NRXN1: variants seen among roughly 807,000 people sequenced by gnomAD.
NRXN1 encodes neurexin-1.
In NRXN1, 39 loss-of-function variants were observed where a neutral mutation model predicts 150.9. The observed-to-expected ratio is 0.26, with a 90% CI of 0.20 to 0.34. NRXN1 has a LOEUF of 0.34. Among genes scored for constraint, NRXN1 ranks in the 10% least tolerant of loss-of-function variants. NRXN1 has a pLI of 1.00. For missense variants in NRXN1, 1,815 were observed against 1,949.9 expected, an observed-to-expected ratio of 0.93 and a Z score of 1.30; for synonymous variants, 924 against 757.0, an observed-to-expected ratio of 1.22 and a Z score of -3.62.
At chr2:50,054,322 T>G (rs1275634737) in intron 20 of NRXN1, among the ~76,000 whole-genome samples, 2 of 152,116 alleles carry the variant, frequency 1.3e-5, no homozygotes, top group Non-Finnish European at 2.9e-5. Context: ...TTATGGCACA[T>G]TTCCATCAAA....
intron 18 of NRXN1, among the ~76,000 whole-genome samples, chr2:50,189,387 G>T (rs1233211253): frequency 6.6e-6 from 1 of 151,990 alleles, no homozygotes; most frequent in African/African-American, 2.4e-5. Context: ...GTAGGGGAGG[G>T]ATAGCATTAG....
intron 17 of NRXN1, among the ~76,000 whole-genome samples, chr2:50,302,221 T>A (rs1260678664): frequency 1.3e-5 from 2 of 152,172 alleles, no homozygotes; most frequent in Non-Finnish European, 2.9e-5. Context: ...TCCCCAAGTA[T>A]CAAGGAATGA....
chr2:50,041,229 C>A (rs1690894056), intron 21 of NRXN1, among the ~76,000 whole-genome samples: 1 of 152,194 alleles, frequency 6.6e-6, no homozygotes, highest in Non-Finnish European at 1.5e-5. Flanking sequence ...GTTATCCCAA[C>A]ATGTCCCTCT....
chr2:50,533,868 C>A (rs1192603054), intron 10 of NRXN1, among the ~76,000 whole-genome samples: 1 of 152,174 alleles, frequency 6.6e-6, no homozygotes, highest in Non-Finnish European at 1.5e-5. Context: ...TCAAATGTTA[C>A]TCCAGAGAGA....
chr2:50,860,628 G>C (rs569804191), intron 5 of NRXN1, among the ~76,000 whole-genome samples: 1 of 152,186 alleles, frequency 6.6e-6, no homozygotes, highest in Non-Finnish European at 1.5e-5. Flanking sequence ...GGCTGAGTCA[G>C]GCAGAGGTAG....
At chr2:50,662,638 T>C (rs965709611) in intron 5 of NRXN1, among the ~76,000 whole-genome samples, 5 of 152,096 alleles carry the variant, frequency 3.3e-5, no homozygotes, top group African/African-American at 1.2e-4. Flanking sequence ...GTATATTCTC[T>C]GTGTGGCCCA....
chr2:50,720,487 GCCATA>G (rs1375913481), intron 5 of NRXN1, among the ~76,000 whole-genome samples: 1 of 152,086 alleles, frequency 6.6e-6, no homozygotes, highest in African/African-American at 2.4e-5. Flanking sequence ...CTACTTTTAT[GCCATA>G]CTGTTGGTAT....
At chr2:50,465,867 T>C (rs971281335) in intron 16 of NRXN1, among the ~76,000 whole-genome samples, 1 of 151,926 alleles carries the variant, frequency 6.6e-6, no homozygotes, top group African/African-American at 2.4e-5. Context: ...AATAATTCTT[T>C]ATCACTATTT....
chr2:50,506,647 A>G (rs141651805), intron 12 of NRXN1, 30 bp from the exon 13 acceptor site: 66 of 1,609,802 alleles, frequency 4.1e-5, no homozygotes, highest in Non-Finnish European at 5.5e-5. Context: ...GTCATTATGG[A>G]CACTCAGAAT....
chr2:50,014,968 C>CAAA (rs1221529344), intron 21 of NRXN1, among the ~76,000 whole-genome samples: 1 of 152,126 alleles, frequency 6.6e-6, no homozygotes, highest in African/African-American at 2.4e-5. Flanking sequence ...TGCAATTTAT[C>CAAA]AAAAGGCTGA....
chr2:50,642,475 T>A (rs1273285173), intron 5 of NRXN1, among the ~76,000 whole-genome samples: 2 of 151,970 alleles, frequency 1.3e-5, no homozygotes, highest in Non-Finnish European at 2.9e-5. Context: ...ATTAATGAAA[T>A]TTGACTCGAT....
intron 21 of NRXN1, among the ~76,000 whole-genome samples, chr2:49,993,006 C>G (rs943350851): frequency 2.6e-5 from 4 of 152,196 alleles, no homozygotes; most frequent in African/African-American, 7.2e-5. Context: ...TTGGCAGTTT[C>G]TAACAAAGCT....
chr2:50,550,391 G>A (rs2105329681), intron 9 of NRXN1, among the ~76,000 whole-genome samples: 1 of 152,108 alleles, frequency 6.6e-6, no homozygotes, highest in South Asian at 2.1e-4. Flanking sequence ...GTTTTAAAGT[G>A]CTATAAAATC....
chr2:50,703,099 CTCATT>C (rs1483647366), intron 5 of NRXN1, among the ~76,000 whole-genome samples: 1 of 152,136 alleles, frequency 6.6e-6, no homozygotes, highest in Non-Finnish European at 1.5e-5. Flanking sequence ...GTTAGTATTG[CTCATT>C]TCATTTAATT....
intron 21 of NRXN1, among the ~76,000 whole-genome samples, chr2:49,956,556 C>G (rs1674984428): frequency 6.6e-6 from 1 of 152,098 alleles, no homozygotes; most frequent in South Asian, 2.1e-4. Flanking sequence ...CCCAGAGGAG[C>G]TACCTCAGGA....
chr2:51,011,326 G>A (rs564513921), intron 2 of NRXN1, among the ~76,000 whole-genome samples: 82 of 152,024 alleles, frequency 5.4e-4, no homozygotes, highest in South Asian at 1.2e-3. Context: ...TAGCTCTTAC[G>A]TATATAAAAG....
At chr2:50,796,676 T>C (rs906584864) in intron 5 of NRXN1, among the ~76,000 whole-genome samples, 1 of 152,178 alleles carries the variant, frequency 6.6e-6, no homozygotes, top group Non-Finnish European at 1.5e-5. Context: ...ATTTAAAAGT[T>C]GCTAATCAGA....
At chr2:50,044,254 G>A (rs1229337237) in intron 21 of NRXN1, among the ~76,000 whole-genome samples, 3 of 152,170 alleles carry the variant, frequency 2.0e-5, no homozygotes, top group Admixed American at 2.0e-4. Flanking sequence ...TCCATGTAAA[G>A]ATGAAGATAA....
chr2:50,375,767 T>G (rs1038686535), intron 17 of NRXN1, among the ~76,000 whole-genome samples: 1 of 151,726 alleles, frequency 6.6e-6, no homozygotes, highest in Non-Finnish European at 1.5e-5. Flanking sequence ...TTTATCATAA[T>G]AAAAAGTCAG....
Sources: allele counts gnomAD v4.1 joint callset (sites outside exome capture counted in the v4.1 genomes callset), GRCh38; gene constraint gnomAD v4.1.1; transcripts MANE v1.5; gene names NCBI Gene and HGNC (gene_info 2026-07-23, HGNC 2026-07-21).